ABCB9: variants seen among roughly 807,000 people sequenced by gnomAD.
ABCB9 encodes the protein ATP binding cassette subfamily B member 9, also known as ABC-type oligopeptide transporter ABCB9.
In ABCB9, 36 loss-of-function variants were observed where a neutral mutation model predicts 62.0. That is an observed-to-expected ratio of 0.58 (90% confidence interval 0.45 to 0.77). ABCB9 has a LOEUF of 0.77. Ranked by LOEUF, ABCB9 falls within the 30% of genes least tolerant of loss-of-function variation. The pLI, the probability that ABCB9 is intolerant of heterozygous loss-of-function variation, is 0.00. For missense variants in ABCB9, 943 were observed against 1,054.7 expected (o/e 0.89, Z 1.47); for synonymous variants, 435 against 461.4 (o/e 0.94, Z 0.73).
Position 122,935,257 on chromosome 12 carries a change from C to T in ABCB9, c.1903+15G>A. ...CCCTGTGGGCCCAGGAGAGGGGCCA[C>T]CCCCAGCTCCACACCTGTGCTGTAG... On this transcript the variant is annotated intron_variant, in intron 10 of 11. Transcript: ENST00000280560. 1 of 1,594,046 alleles carries T rather than the reference C, an allele frequency of 6.3e-7. No homozygotes were observed. Among genetic ancestry groups the T allele is most frequent in the Non-Finnish European group, 8.6e-7 (1 of 1,169,258 alleles).
chr12:122,963,692 GGT>G (rs1394919975), intron 1 of ABCB9, among the ~76,000 whole-genome samples: 1 of 152,008 alleles, frequency 6.6e-6, no homozygotes, highest in African/African-American at 2.4e-5. Context: ...GCTGAGAAGG[GGT>G]CTGAGATGCA....
intron 2 of ABCB9, 90 bp from the exon 3 acceptor site, chr12:122,950,655 C>T: frequency 2.0e-6 from 2 of 1,023,852 alleles, no homozygotes; most frequent in Non-Finnish European, 2.9e-6. Context: ...CACACCAACC[C>T]CTCTGCCCAC....
chr12:122,963,683 C>G (rs1326663545), intron 1 of ABCB9, among the ~76,000 whole-genome samples: 1 of 152,046 alleles, frequency 6.6e-6, no homozygotes, highest in African/African-American at 2.4e-5. Flanking sequence ...CCTACTAATG[C>G]TGAGAAGGGG....
chr12:122,950,641 T>C, intron 2 of ABCB9, 76 bp from the exon 3 acceptor site: 2 of 1,181,172 alleles, frequency 1.7e-6, no homozygotes, highest in Non-Finnish European at 2.4e-6. Flanking sequence ...GCTCCAGAAG[T>C]CCACACACCA....
intron 11 of ABCB9, among the ~76,000 whole-genome samples, chr12:122,921,977 C>T (rs1048556028): frequency 2.6e-5 from 4 of 152,088 alleles, no homozygotes; most frequent in Non-Finnish European, 4.4e-5. Flanking sequence ...AATGCCAGGC[C>T]CCTGTTTCAG....
chr12:122,923,561 T>C lies in ABCB9; in HGVS notation c.2041-2518A>G, dbSNP rs146044550. ...GCCTTGGCCTCCCAAAGTGCTGGGA[T>C]TACAGACATGAGCCAGGGCGCCCAG... is the stretch of plus-strand genomic sequence containing the variant. On this transcript the variant is annotated intron_variant, in intron 11 of 11. Coordinates refer to the ABCB9 transcript ENST00000344275. Among the ~76,000 whole-genome samples, 490 of 152,242 alleles carry C rather than the reference T, an allele frequency of 3.2e-3. 2 individuals are homozygous for C. Among genetic ancestry groups the C allele is most frequent in the African/African-American group, 0.011 (456 of 41,544 alleles).
In ABCB9 at chr12:122,930,156, G is replaced by A; in HGVS notation, c.2056C>T (p.His686Tyr). 1 of 1,548,828 alleles carries A rather than the reference G, an allele frequency of 6.5e-7. No individual in the cohort carries two copies. Among genetic ancestry groups the A allele is most frequent in the East Asian group, 2.4e-5 (1 of 40,986 alleles). Residue 686 changes from histidine (H) to tyrosine (Y), a missense_variant, in exon 12 of 12, where the codon CAT becomes TAT. Physicochemically the swap from His to Tyr is moderately conservative, Grantham distance 83. Transcript: ENST00000280560. The surrounding 1 kb of genome is among the most constrained non-coding windows in gnomAD (Gnocchi z 4.9). ...ACCGTGTGCTTCTGCAGGTTGCCAT[G>A]GATGGCCTGCTGGATCTGCGGGGAC... ...ESEYLIQQAIHGNLQKHTVLI... is the reference protein window; with the variant it reads ...ESEYLIQQAIYGNLQKHTVLI...
intron 1 of ABCB9, among the ~76,000 whole-genome samples, chr12:122,961,450 C>A (rs2036902088): frequency 6.6e-6 from 1 of 152,148 alleles, no homozygotes; most frequent in African/African-American, 2.4e-5. Flanking sequence ...GCCTCAGTAA[C>A]CCAAAGTCTG....
chr12:122,925,491 G>T (rs2034874636), downstream of ABCB9, among the ~76,000 whole-genome samples: 1 of 151,994 alleles, frequency 6.6e-6, no homozygotes, highest in Admixed American at 6.6e-5. Context: ...GCTCATGCCT[G>T]TAATCCTAGC....
At chr12:122,931,842 C>T (rs1419353437) in intron 11 of ABCB9, 1 of 295,802 alleles carries the variant, frequency 3.4e-6, no homozygotes, top group African/African-American at 2.2e-5. Flanking sequence ...TGGGGTTTCA[C>T]CATGTTGGCC....
chr12:122,932,330 T>G lies in ABCB9; in HGVS notation c.1904-2A>C, dbSNP rs752805869. 3.2e-6 allele frequency: 5 copies of G among 1,549,214 alleles called. No homozygotes were observed. The highest frequency in any genetic ancestry group is 4.4e-6 in the Non-Finnish European group (5 of 1,145,626). On this transcript the variant is annotated splice_acceptor_variant, in intron 10 of 11. Transcript: ENST00000280560. LOFTEE classifies it high-confidence loss of function. This position sits in a 1 kb window ranked among gnomAD's most constrained non-coding sequence, Gnocchi z 4.7. ...GCTGGGCGCCCTTCTCCCCTGTCTCTGTATGGTGGAGGCACAGAGACAATT... is the reference window on the plus strand; with the variant it reads ...GCTGGGCGCCCTTCTCCCCTGTCTCGGTATGGTGGAGGCACAGAGACAATT...
In ABCB9 at chr12:122,959,891, C is replaced by T; in HGVS notation, c.345G>A (p.Trp115Ter). The T allele has an allele frequency of 6.2e-7, 1 of 1,613,528 alleles. No individual in the cohort carries two copies. The highest frequency in any genetic ancestry group is 1.1e-5 in the South Asian group (1 of 91,086). Residue 115 changes from tryptophan to a stop codon, truncating the protein, a stop_gained, in exon 2 of 12, where the codon TGG (tryptophan) becomes TGA (stop). Transcript: ENST00000280560. LOFTEE classifies it high-confidence loss of function. This position sits in a 1 kb window ranked among gnomAD's most constrained non-coding sequence, Gnocchi z 5.4. ...SEVRRPIRDPWFWALFVWTYI... is the reference protein window; with the variant it reads ...SEVRRPIRDP ...ACGTCCACACGAACAGGGCCCAAAA[C>T]CAGGGGTCCCGGATGGGCCTGCGCA...
chr12:122,960,463 A>C (rs546258959), intron 1 of ABCB9, 141 bp from the exon 2 acceptor site: 1 of 609,324 alleles, frequency 1.6e-6, no homozygotes, highest in African/African-American at 1.8e-5. Flanking sequence ...CCCGGGTACT[A>C]AGATTCCACT....
chr12:122,946,184 C>T lies in ABCB9; in HGVS notation c.1092G>A (p.Ala364=), dbSNP rs747450367. Reference sequence around the variant, plus strand: ...TGATGGTCTCCTCCGCCGTGTTGCTCGCTCTGGCCAGGGCATTCTGGACCT... The same window carrying T: ...TGATGGTCTCCTCCGCCGTGTTGCTTGCTCTGGCCAGGGCATTCTGGACCT... ...SKEVQNALAR[A]SNTAEETISA... is the part of the protein sequence containing the mutation. Residue 364 remains alanine, a synonymous_variant, in exon 6 of 12, where the codon GCG becomes GCA. Transcript: ENST00000280560. 44 of 1,614,040 alleles carry T rather than the reference C, an allele frequency of 2.7e-5. No individual in the cohort carries two copies. Among genetic ancestry groups the T allele is most frequent in the Non-Finnish European group, 3.6e-5 (42 of 1,180,038 alleles).
intron 11 of ABCB9, among the ~76,000 whole-genome samples, chr12:122,923,126 AG>A (rs901800420): frequency 1.3e-5 from 2 of 151,276 alleles, no homozygotes; most frequent in African/African-American, 4.9e-5. Flanking sequence ...TTCTTAAGAC[AG>A]GGTCTCACTC....
Position 122,929,427 on chromosome 12 carries a change from G to A in ABCB9, c.*484C>T, listed in dbSNP as rs769720269. On this transcript the variant is annotated 3_prime_UTR_variant, in exon 12 of 12. Transcript: ENST00000280560. This position sits in a 1 kb window ranked among gnomAD's most constrained non-coding sequence, Gnocchi z 6.0. ...AATCCCGTTCCCCGTGTCTCCCTCC[G>A]GGACAGGGAAGCCCCTTCTCTGGAG... 3.2e-5 allele frequency: 32 copies of A among 987,306 alleles called. No individual in the cohort carries two copies. The highest frequency in any genetic ancestry group is 3.7e-5 in the Non-Finnish European group (31 of 831,102). 61.2% of individuals were successfully genotyped at this position (987,306 alleles called of 1,614,324 possible). A position where few individuals can be genotyped will look rare whatever the true frequency, so the allele number is the denominator to read the frequency against.
chr12:122,970,226 C>G (rs981218020), upstream of ABCB9, among the ~76,000 whole-genome samples: 1 of 152,048 alleles, frequency 6.6e-6, no homozygotes, highest in Admixed American at 6.6e-5. Context: ...ATTACAGAAG[C>G]CTGCCACCAT....
At chr12:122,941,971 C>T (rs1594012471) in intron 7 of ABCB9, among the ~76,000 whole-genome samples, 1 of 152,020 alleles carries the variant, frequency 6.6e-6, no homozygotes, top group South Asian at 2.1e-4. Flanking sequence ...TCAAGGAATC[C>T]GCCTGCCTCA....
chr12:122,941,310 C>CTT (rs34940073), intron 7 of ABCB9, among the ~76,000 whole-genome samples: 55 of 138,974 alleles, frequency 4.0e-4, no homozygotes, highest in African/African-American at 1.1e-3. Flanking sequence ...GATAGCATAG[C>CTT]TTTTTTTTTT....
Sources: allele counts gnomAD v4.1 joint callset (sites outside exome capture counted in the v4.1 genomes callset), GRCh38; gene constraint gnomAD v4.1.1; non-coding constraint Gnocchi (gnomAD v3.1); transcripts MANE v1.5; gene names NCBI Gene and HGNC (gene_info 2026-07-23, HGNC 2026-07-21).